Variants in NBPF20 observed in about 807,000 individuals in gnomAD.
NBPF20 encodes the protein NBPF member 20.
In NBPF20, 90 loss-of-function variants were observed where a neutral mutation model predicts 68.1. The ratio of observed to expected loss-of-function variants is 1.32; its 90% CI spans 1.11 to 1.58. NBPF20 has a LOEUF of 1.58. Ranked by LOEUF, NBPF20 falls within the 40% of genes most tolerant of loss-of-function variation. NBPF20 has a pLI of 0.00. For missense variants in NBPF20, 816 were observed against 601.2 expected (o/e 1.36, Z -3.74); for synonymous variants, 290 against 228.1 (o/e 1.27, Z -2.45).
intron 2 of NBPF20, among the ~76,000 whole-genome samples, chr1:145,404,546 G>A (rs201208714): frequency 5.6e-4 from 85 of 152,160 alleles, no homozygotes; most frequent in Admixed American, 2.7e-3. Context: ...AGTGAGCCAC[G>A]TTGCACGGCC....
chr1:145,412,541 C>G, the NBPF20 span, among the ~76,000 whole-genome samples: 8 of 151,868 alleles, frequency 5.3e-5, no homozygotes, highest in Non-Finnish European at 1.0e-4. Flanking sequence ...TAAATTTAAG[C>G]CTAATGCAGT....
chr1:145,402,260 CCGGAG>C lies in NBPF20; in HGVS notation c.395_399del (p.Thr132ArgfsTer2). The C allele has an allele frequency of 6.2e-7, 1 of 1,609,962 alleles. No individual in the cohort carries two copies. Among genetic ancestry groups the C allele is most frequent in the South Asian group, 1.1e-5 (1 of 90,968 alleles). Reference sequence around the variant, plus strand: ...TGCCCCTGGGACTTGTCCGGCTCATCCGGAGTAAGGAGGGCCTGGAGATGCTCATT... The same window carrying C: ...TGCCCCTGGGACTTGTCCGGCTCATCTAAGGAGGGCCTGGAGATGCTCATT... On this transcript the variant is annotated frameshift_variant, in exon 4 of 138. Coordinates refer to ENST00000369373, the Ensembl canonical transcript of NBPF20. LOFTEE classifies it high-confidence loss of function.
At chr1:145,394,621 T>C (rs1285181003) in intron 8 of NBPF20, among the ~76,000 whole-genome samples, 1 of 151,968 alleles carries the variant, frequency 6.6e-6, no homozygotes, top group African/African-American at 2.4e-5. Context: ...TCATAAGGAA[T>C]TTTGTAGCTG....
chr1:145,393,613 G>C (rs1173131269), intron 9 of NBPF20: 1 of 716,854 alleles, frequency 1.4e-6, no homozygotes, highest in African/African-American at 1.8e-5. Context: ...CAATAATTTT[G>C]CATAAAATGT....
chr1:145,291,536 A>G (rs1553657567), exon 138 of NBPF20: 5 of 1,611,988 alleles, frequency 3.1e-6, no homozygotes, highest in Non-Finnish European at 4.2e-6. Flanking sequence ...TTATTGTGGG[A>G]ATATGACTCC....
chr1:145,400,657 A>T, intron 5 of NBPF20, 63 bp from the exon 11 acceptor site: 1 of 1,560,042 alleles, frequency 6.4e-7, no homozygotes, highest in South Asian at 1.1e-5. Context: ...GACCCCAGGG[A>T]GTCCTAGCTG....
At chr1:145,421,644 A>G in the NBPF20 span, among the ~76,000 whole-genome samples, 1 of 152,230 alleles carries the variant, frequency 6.6e-6, no homozygotes, top group African/African-American at 2.4e-5. Context: ...GAGATTGAAC[A>G]CATACAAAAT....
chr1:145,403,081 A>C (rs1283863847), intron 3 of NBPF20, 135 bp downstream of exon 8: 6 of 966,896 alleles, frequency 6.2e-6, no homozygotes, highest in South Asian at 5.2e-5. Context: ...ATAAATATTT[A>C]TGTGTAGCGA....
Position 145,291,783 on chromosome 1 carries a change from C to T in NBPF20, c.16698-14G>A, listed in dbSNP as rs782798448. On this transcript the variant is annotated splice_polypyrimidine_tract_variant and intron_variant, in intron 137 of 137. Transcript: ENST00000369373. ...ACGCCGTTGAGCCTGGAAAAGGAGA[C>T]AAAACTAAAGAAGCAGCCAGGGAAA... The T allele has an allele frequency of 3.1e-6, 5 of 1,611,308 alleles. No homozygotes were observed. In the East Asian group the frequency reaches 8.9e-5, roughly 29 times the overall value.
At chr1:145,403,952 A>C (rs1662645517) in intron 2 of NBPF20, among the ~76,000 whole-genome samples, 1 of 149,030 alleles carries the variant, frequency 6.7e-6, no homozygotes, top group Non-Finnish European at 1.5e-5. Context: ...CTGTGTGCCA[A>C]TAAATGTTCT....
At chr1:145,409,290 G>A (rs587639989), upstream of NBPF20, among the ~76,000 whole-genome samples, 1 of 150,626 alleles carries the variant, frequency 6.6e-6, no homozygotes, top group South Asian at 2.1e-4. Context: ...CTTATTATTG[G>A]ACATTTCTAT....
At chr1:145,423,454 AAGTT>A in the NBPF20 span, among the ~76,000 whole-genome samples, 14 of 146,832 alleles carry the variant, frequency 9.5e-5, no homozygotes, top group South Asian at 4.5e-4. Context: ...AGAAAAAAAA[AAGTT>A]AGAGAATCTC....
At chr1:145,404,964 A>T in intron 2 of NBPF20, 134 bp downstream of exon 7, 3 of 1,293,018 alleles carry the variant, frequency 2.3e-6, no homozygotes, top group Non-Finnish European at 3.3e-6. Context: ...AACTAACAAA[A>T]TGTTAAAATA....
At chr1:145,410,415 C>T (rs1190393635), upstream of NBPF20, among the ~76,000 whole-genome samples, 3 of 149,870 alleles carry the variant, frequency 2.0e-5, no homozygotes, top group South Asian at 2.1e-4. Flanking sequence ...CCCGGGTTCA[C>T]GCCATTCTCC....
At chr1:145,422,917 G>A in the NBPF20 span, among the ~76,000 whole-genome samples, 1 of 146,930 alleles carries the variant, frequency 6.8e-6, no homozygotes, top group Non-Finnish European at 1.5e-5. Context: ...TGAGCCAGGA[G>A]GTGGAGGTTG....
At chr1:145,410,797 CGT>C in the NBPF20 span, among the ~76,000 whole-genome samples, 71 of 72,912 alleles carry the variant, frequency 9.7e-4, no homozygotes, top group African/African-American at 4.7e-3. Flanking sequence ...CATATATATA[CGT>C]ATATGTATAT....
At chr1:145,397,376 G>C (rs1553249753) in intron 7 of NBPF20, among the ~76,000 whole-genome samples, 22 of 144,164 alleles carry the variant, frequency 1.5e-4, no homozygotes, top group South Asian at 6.7e-4. Context: ...CTAGTTTACA[G>C]TCCCACCAAC....
intron 137 of NBPF20, 126 bp from the exon 143 acceptor site, chr1:145,291,895 A>G: frequency 2.7e-6 from 4 of 1,482,474 alleles, no homozygotes; most frequent in Non-Finnish European, 3.6e-6. Context: ...TTAATGAGGT[A>G]AAAAAAAAAT....
At chr1:145,411,327 A>G in the NBPF20 span, among the ~76,000 whole-genome samples, 5 of 151,130 alleles carry the variant, frequency 3.3e-5, no homozygotes, top group Admixed American at 2.0e-4. Context: ...TTCTCAAAGC[A>G]ATTTTTTGTA....
Sources: allele counts gnomAD v4.1 joint callset (sites outside exome capture counted in the v4.1 genomes callset), GRCh38; gene constraint gnomAD v4.1.1; transcripts MANE v1.5; gene names NCBI Gene and HGNC (gene_info 2026-07-23, HGNC 2026-07-21).